The following INTS8 variants were observed in gnomAD, a reference collection of about 807,000 sequenced individuals.
INTS8 encodes the protein integrator complex subunit 8, also known as protein kaonashi-1.
In INTS8, 47 loss-of-function variants were observed where a neutral mutation model predicts 138.9. The ratio of observed to expected loss-of-function variants is 0.34; its 90% CI spans 0.27 to 0.43. The LOEUF is 0.43. Ranked by LOEUF, INTS8 falls within the 20% of genes least tolerant of loss-of-function variation. INTS8 has a pLI of 1.00. For missense variants in INTS8, 996 were observed against 1,173.0 expected (o/e 0.85, Z 2.20); for synonymous variants, 392 against 400.9 (o/e 0.98, Z 0.27).
At chr8:94,878,452 A>G (rs551758385) in intron 26 of INTS8, among the ~76,000 whole-genome samples, 11 of 152,248 alleles carry the variant, frequency 7.2e-5, no homozygotes, top group African/African-American at 2.6e-4. Context: ...TTCCTATTTC[A>G]TTCGCTGCTT....
In INTS8 at chr8:94,832,093, C is replaced by T. The variant is rs1360876217; in HGVS notation, c.672C>T (p.Ala224=). ...CGATGAGAACTCTAGATTTATTGGC[C>T]ATGGAACCAGGCATGGTAAATGGAG... ...VHTMRTLDLL[A]MEPGMVNGET... Residue 224 remains alanine (A), a synonymous_variant, in exon 6 of 27, where the codon GCC becomes GCT. Coordinates refer to ENST00000523731, the MANE Select transcript of INTS8 (RefSeq NM_017864.4). The T allele has an allele frequency of 1.9e-6, 3 of 1,613,624 alleles. No homozygotes were observed. Among genetic ancestry groups the T allele is most frequent in the Non-Finnish European group, 2.5e-6 (3 of 1,179,868 alleles).
At position 94,876,449 on chromosome 8, in the gene INTS8, T is replaced by G. The variant is rs1414080294; in HGVS notation, c.2831T>G (p.Leu944Arg). Residue 944 changes from leucine to arginine, a missense_variant, in exon 26 of 27, where the codon CTT (leucine) becomes CGT (arginine). Leu to Arg is a moderately radical substitution (Grantham distance 102). Transcript: ENST00000523731. Reference sequence around the variant, plus strand: ...TTTTCCTTAACTGATTCATTAGATCTTCATCATAAAAGAGGAGAAACAGAT... The same window carrying G: ...TTTTCCTTAACTGATTCATTAGATCGTCATCATAAAAGAGGAGAAACAGAT... ...DVTILEYLTYLHHKRGETDKR... is the reference protein window; with the variant it reads ...DVTILEYLTYRHHKRGETDKR... The G allele has an allele frequency of 6.5e-7, 1 of 1,541,992 alleles. No individual in the cohort carries two copies. The highest frequency in any genetic ancestry group is 1.4e-5 in the African/African-American group (1 of 73,362).
intron 8 of INTS8, among the ~76,000 whole-genome samples, chr8:94,841,237 G>A (rs1003027602): frequency 5.9e-5 from 9 of 151,876 alleles, no homozygotes; most frequent in Admixed American, 4.6e-4. Context: ...TAACATAGCT[G>A]GATTGCCTCT....
At chr8:94,868,952 G>T (rs1029482686) in intron 20 of INTS8, 1 of 149,342 alleles carries the variant, frequency 6.7e-6, no homozygotes, top group Non-Finnish European at 1.5e-5. Context: ...AATTATAGGC[G>T]TGAGCCACCA....
At chr8:94,850,902 C>G (rs1013254491) in intron 12 of INTS8, among the ~76,000 whole-genome samples, 1 of 152,006 alleles carries the variant, frequency 6.6e-6, no homozygotes, top group Non-Finnish European at 1.5e-5. Flanking sequence ...GAAACATAAA[C>G]TTCAACATTT....
At chr8:94,840,087 T>G (rs534195959) in intron 8 of INTS8, among the ~76,000 whole-genome samples, 4 of 152,326 alleles carry the variant, frequency 2.6e-5, no homozygotes, top group Non-Finnish European at 5.9e-5. Flanking sequence ...TCTTTGAGAT[T>G]CATTACTTAT....
chr8:94,878,283 T>A (rs993507488), intron 26 of INTS8, among the ~76,000 whole-genome samples: 2 of 152,220 alleles, frequency 1.3e-5, no homozygotes, highest in African/African-American at 2.4e-5. Context: ...ATTTTTAGAC[T>A]TTCCTGTTTA....
At chr8:94,828,157 A>C (rs1445009105) in intron 4 of INTS8, among the ~76,000 whole-genome samples, 2 of 151,424 alleles carry the variant, frequency 1.3e-5, no homozygotes, top group Non-Finnish European at 2.9e-5. Context: ...CTCCCACCTC[A>C]GCCTCCCAAG....
At chr8:94,876,333 A>C in intron 25 of INTS8, 48 bp downstream of exon 25, 1 of 1,483,376 alleles carries the variant, frequency 6.7e-7, no homozygotes, top group Non-Finnish European at 9.3e-7. Flanking sequence ...CATTTTTATA[A>C]ATTAAAGGAA....
rs1815474087 is a variant in INTS8 at position 94,850,040 on chromosome 8, C to T, written c.1456C>T (p.Pro486Ser). The T allele has an allele frequency of 6.2e-7, 1 of 1,612,950 alleles. No homozygotes were observed. The highest frequency in any genetic ancestry group is 2.2e-5 in the East Asian group (1 of 44,808). The part of the protein sequence containing the change: ...LLVDQMRKRS[P>S]RVNLCIKPVT... ...TGTTGATCAGATGAGGAAGAGATCC[C>T]CTAGAGTAAATCTGTGCATTAAACC... The change falls in exon 12 of 27, where the codon CCT (proline) becomes TCT (serine). Residue 486 changes from proline to serine, a missense_variant. Physicochemically the swap from Pro to Ser is moderately conservative, Grantham distance 74. Coordinates refer to ENST00000523731, the MANE Select transcript of INTS8 (RefSeq NM_017864.4).
In INTS8 at chr8:94,867,318, T is replaced by G; in HGVS notation, c.2395T>G (p.Trp799Gly). ...NDITAEHISI[W>G]PSSIPNLQSV... ...TATTACAGCTGAACACATTTCTATT[T>G]GGCCATCTTCCATTCCCAAGTAAGT... Residue 799 changes from tryptophan (W) to glycine (G), a missense_variant, in exon 20 of 27, where the codon TGG (tryptophan) becomes GGG (glycine). Trp to Gly is a radical substitution (Grantham distance 184). Transcript: ENST00000523731. 6.2e-7 allele frequency: 1 copy of G among 1,612,134 alleles called. No individual in the cohort carries two copies. Among genetic ancestry groups the G allele is most frequent in the Non-Finnish European group, 8.5e-7 (1 of 1,178,792 alleles).
chr8:94,829,133 G>A (rs1814618380), intron 5 of INTS8, 107 bp downstream of exon 5: 1 of 787,242 alleles, frequency 1.3e-6, no homozygotes, highest in East Asian at 2.6e-5. Flanking sequence ...GCAATTTCCA[G>A]GAAACTGGAT....
At chr8:94,835,747 G>A (rs1327340602) in intron 6 of INTS8, among the ~76,000 whole-genome samples, 1 of 152,040 alleles carries the variant, frequency 6.6e-6, no homozygotes, top group Admixed American at 6.6e-5. Context: ...TTACAGGTGT[G>A]CGCCACTACG....
Position 94,856,822 on chromosome 8 carries a change from G to T in INTS8, c.1798G>T (p.Val600Leu). ...KQLFAACLELVTEFSPKLRQV... is the reference protein window; with the variant it reads ...KQLFAACLELLTEFSPKLRQV... ...GCTCTTTGCTGCTTGTTTGGAGTTG[G>T]TAACAGAGTTCTCACCGAAGCTTCG... The change falls in exon 15 of 27, where the codon GTA becomes TTA. Residue 600 changes from valine to leucine, a missense_variant. Transcript: ENST00000523731. The T allele has an allele frequency of 6.2e-7, 1 of 1,614,056 alleles. No homozygotes were observed. Among genetic ancestry groups the T allele is most frequent in the Non-Finnish European group, 8.5e-7 (1 of 1,180,014 alleles).
chr8:94,823,573 G>A lies in INTS8; in HGVS notation c.130+12G>A. 1 of 1,550,472 alleles carries A rather than the reference G, an allele frequency of 6.4e-7. No homozygotes were observed. The highest frequency in any genetic ancestry group is 8.7e-7 in the Non-Finnish European group (1 of 1,147,280). ...CAAGCCCTGCCCGGGTGAGCGCGGC[G>A]CCTGCACCTGGGGAGCGGGACCCGG... On this transcript the variant is annotated intron_variant, in intron 1 of 26. Coordinates refer to ENST00000523731, the MANE Select transcript of INTS8 (RefSeq NM_017864.4).
At chr8:94,874,051 T>A (rs1816493055) in intron 22 of INTS8, among the ~76,000 whole-genome samples, 1 of 152,182 alleles carries the variant, frequency 6.6e-6, no homozygotes, top group Non-Finnish European at 1.5e-5. Flanking sequence ...CTTCCTTAGT[T>A]ACCCATTTTT....
At chr8:94,861,200 C>A (rs1372655464) in intron 16 of INTS8, among the ~76,000 whole-genome samples, 1 of 151,226 alleles carries the variant, frequency 6.6e-6, no homozygotes, top group Non-Finnish European at 1.5e-5. Context: ...TTCATTTTAA[C>A]CCTTTCAGGA....
intron 18 of INTS8, among the ~76,000 whole-genome samples, chr8:94,866,530 C>T (rs756573600): frequency 6.6e-6 from 1 of 152,250 alleles, no homozygotes; most frequent in East Asian, 1.9e-4. Flanking sequence ...AATTATCATC[C>T]CTTCTTGGCC....
chr8:94,838,183 C>G (rs1009196757), intron 7 of INTS8, among the ~76,000 whole-genome samples: 3 of 151,998 alleles, frequency 2.0e-5, no homozygotes, highest in African/African-American at 7.3e-5. Flanking sequence ...TCCCGAGTAG[C>G]TGGGACTACA....
Sources: allele counts gnomAD v4.1 joint callset (sites outside exome capture counted in the v4.1 genomes callset), GRCh38; gene constraint gnomAD v4.1.1; transcripts MANE v1.5; gene names NCBI Gene and HGNC (gene_info 2026-07-23, HGNC 2026-07-21).